The following GAK variants were observed in gnomAD, a reference collection of about 807,000 sequenced individuals.
GAK encodes the protein cyclin-G-associated kinase.
A neutral mutation model predicts 143.9 loss-of-function variants in GAK; 79 were observed. The ratio of observed to expected loss-of-function variants is 0.55; its 90% CI spans 0.46 to 0.66. The LOEUF is 0.66. Ranked by LOEUF, GAK falls within the 30% of genes least tolerant of loss-of-function variation. The probability of loss-of-function intolerance (pLI) is 0.00; values close to 1 mark genes in which losing one functional copy is unlikely to be tolerated. For synonymous variants in GAK, 881 were observed against 765.5 expected (o/e 1.15, Z -2.49); for missense variants, 1,693 against 1,779.7 (o/e 0.95, Z 0.88).
At chr4:903,614 A>AGTTGGGGGCCTG (rs1560404581) in intron 5 of GAK, among the ~76,000 whole-genome samples, 3 of 149,114 alleles carry the variant, frequency 2.0e-5, no homozygotes, top group African/African-American at 7.6e-5. Context: ...GATGAGCAGG[A>AGTTGGGGGCCTG]ATGCGGGGCC....
chr4:913,458 G>A (rs368177922), intron 2 of GAK, 149 bp downstream of exon 2: 9 of 660,666 alleles, frequency 1.4e-5, no homozygotes, highest in Non-Finnish European at 2.4e-5. Flanking sequence ...CAAGGCTGCT[G>A]AGATTCAGCA....
intron 8 of GAK, 134 bp from the exon 9 acceptor site, chr4:893,623 G>T: frequency 1.4e-6 from 1 of 722,144 alleles, no homozygotes; most frequent in Non-Finnish European, 2.2e-6. Flanking sequence ...CAAGAAGGGA[G>T]CGGCAAAGGG....
At chr4:869,267 GCACA>G (rs1269153028) in intron 19 of GAK, 4 of 82,396 alleles carry the variant, frequency 4.9e-5, no homozygotes, top group Admixed American at 2.5e-4. Flanking sequence ...ACACATGAAT[GCACA>G]CACAGCACAC....
intron 1 of GAK, among the ~76,000 whole-genome samples, chr4:920,370 A>G (rs1047526990): frequency 6.6e-6 from 1 of 151,820 alleles, no homozygotes; most frequent in Non-Finnish European, 1.5e-5. Flanking sequence ...GACTTTTAAC[A>G]CCTCTAACGC....
Position 926,594 on chromosome 4 carries a change from A to G in GAK, c.145+5449T>C, listed in dbSNP as rs543317286. Reference sequence around the variant, plus strand: ...GTACTACTGACCATGCTCGGCAAATACGAAGAGCCCCTAAGGGTTGCTGTG... The same window carrying G: ...GTACTACTGACCATGCTCGGCAAATGCGAAGAGCCCCTAAGGGTTGCTGTG... On this transcript the variant is annotated intron_variant, in intron 1 of 27. Coordinates refer to ENST00000314167, the MANE Select transcript of GAK (RefSeq NM_005255.4). Among the ~76,000 whole-genome samples the G allele has an allele frequency of 3.9e-5, 6 of 152,324 alleles. No individual in the cohort carries two copies. The East Asian group carries it at 9.6e-4, about 24-fold the overall frequency.
At chr4:870,633 G>C in intron 19 of GAK, 78 bp downstream of exon 19, 3 of 1,475,328 alleles carry the variant, frequency 2.0e-6, no homozygotes. Context: ...AGCCCTGCCA[G>C]AGCTCAGCCA....
chr4:859,044 G>C (rs1196727361), intron 24 of GAK, among the ~76,000 whole-genome samples: 2 of 152,232 alleles, frequency 1.3e-5, no homozygotes, highest in Non-Finnish European at 2.9e-5. Context: ...GAAGCCACAG[G>C]GACCCCAGGG....
intron 13 of GAK, 133 bp from the exon 14 acceptor site, chr4:882,952 G>C: frequency 8.7e-7 from 1 of 1,149,920 alleles, no homozygotes; most frequent in South Asian, 1.5e-5. Flanking sequence ...CCACCTGCGC[G>C]AGACCTGAGC....
At chr4:901,485 G>A (rs532609223) in intron 5 of GAK, among the ~76,000 whole-genome samples, 1 of 152,392 alleles carries the variant, frequency 6.6e-6, no homozygotes, top group South Asian at 2.1e-4. Context: ...AGACGCTGGA[G>A]AGGAGGCGGG....
At chr4:903,421 C>T (rs1560403980) in intron 5 of GAK, among the ~76,000 whole-genome samples, 1 of 152,196 alleles carries the variant, frequency 6.6e-6, no homozygotes, top group Non-Finnish European at 1.5e-5. Context: ...GGTCCGGCCC[C>T]CGACCCCAGC....
chr4:861,775 G>A (rs530504527), intron 23 of GAK, among the ~76,000 whole-genome samples: 60 of 152,126 alleles, frequency 3.9e-4, no homozygotes, highest in African/African-American at 1.3e-3. Context: ...AGAGAAGGTC[G>A]GACCAGCCCC....
In GAK at chr4:890,515, C is replaced by T; in HGVS notation, c.1081+17G>A. The T allele has an allele frequency of 6.3e-7, 1 of 1,582,354 alleles. No individual in the cohort carries two copies. The highest frequency in any genetic ancestry group is 1.1e-5 in the South Asian group (1 of 88,234). On this transcript the variant is annotated intron_variant, in intron 10 of 27. Transcript: ENST00000314167. ...AGGAGCGAGGGACAGGTGGCGGGCACAGGACAGGGCACTCACCTCCACTGT... is the reference window on the plus strand; with the variant it reads ...AGGAGCGAGGGACAGGTGGCGGGCATAGGACAGGGCACTCACCTCCACTGT...
chr4:902,691 C>T (rs1720166428), intron 5 of GAK, among the ~76,000 whole-genome samples: 1 of 151,060 alleles, frequency 6.6e-6, no homozygotes, highest in Non-Finnish European at 1.5e-5. Flanking sequence ...ACAGGCTTCA[C>T]AGATAATGGA....
At chr4:926,036 C>T (rs544662866) in intron 1 of GAK, among the ~76,000 whole-genome samples, 58 of 152,006 alleles carry the variant, frequency 3.8e-4, no homozygotes, top group South Asian at 1.2e-3. Context: ...GTGACCTCCC[C>T]GAACGTCTAA....
At chr4:864,295 A>G (rs1176608892) in intron 23 of GAK, among the ~76,000 whole-genome samples, 1 of 152,160 alleles carries the variant, frequency 6.6e-6, no homozygotes, top group Admixed American at 6.5e-5. Flanking sequence ...CAGGAGGTCA[A>G]TGCTGAAGTG....
intron 1 of GAK, among the ~76,000 whole-genome samples, chr4:926,645 G>A (rs1294943201): frequency 1.3e-5 from 2 of 152,156 alleles, no homozygotes; most frequent in Admixed American, 1.3e-4. Flanking sequence ...TTTACTTCAC[G>A]CTGGGAACTA....
At chr4:911,338 T>C (rs193220885) in intron 4 of GAK, among the ~76,000 whole-genome samples, 199 of 152,180 alleles carry the variant, frequency 1.3e-3, no homozygotes, top group African/African-American at 4.6e-3. Flanking sequence ...CAGACGCTCC[T>C]CCACCCCTGC....
intron 5 of GAK, among the ~76,000 whole-genome samples, chr4:901,694 G>A (rs140826724): frequency 4.5e-4 from 69 of 152,290 alleles, no homozygotes; most frequent in African/African-American, 1.4e-3. Flanking sequence ...ACACAGCTCC[G>A]TGCTCCACAA....
intron 9 of GAK, among the ~76,000 whole-genome samples, chr4:891,141 A>G (rs1717572730): frequency 6.6e-6 from 1 of 151,984 alleles, no homozygotes; most frequent in African/African-American, 2.4e-5. Flanking sequence ...TTTGTATTTT[A>G]GTAGAGATGG....
Sources: gnomAD v4.1 joint callset for allele counts (sites outside exome capture counted in the v4.1 genomes callset) on GRCh38, gnomAD v4.1.1 for gene constraint, MANE v1.5 for transcripts, NCBI Gene and HGNC (gene_info 2026-07-23, HGNC 2026-07-21) for gene names.